Variants in PTPRN2 observed in about 807,000 individuals in gnomAD.
PTPRN2 encodes receptor-type tyrosine-protein phosphatase N2.
In PTPRN2, 74 loss-of-function variants were observed where a neutral mutation model predicts 118.8. The ratio of observed to expected loss-of-function variants is 0.62; its 90% CI spans 0.52 to 0.76. The LOEUF is 0.76. Ranked by LOEUF, PTPRN2 falls within the 30% of genes least tolerant of loss-of-function variation. PTPRN2 has a pLI of 0.00. For synonymous variants in PTPRN2, 641 were observed against 608.0 expected (o/e 1.05, Z -0.80); for missense variants, 1,481 against 1,394.4 (o/e 1.06, Z -0.99).
intron 12 of PTPRN2, among the ~76,000 whole-genome samples, chr7:157,754,731 T>C: frequency 6.6e-6 from 1 of 152,300 alleles, no homozygotes; most frequent in Admixed American, 6.5e-5. Flanking sequence ...TTCTTTGTAG[T>C]TAGTTTTCTT....
intron 21 of PTPRN2, among the ~76,000 whole-genome samples, chr7:157,562,712 C>T (rs1299753987): frequency 6.7e-6 from 1 of 149,648 alleles, no homozygotes; most frequent in African/African-American, 2.5e-5. Flanking sequence ...CCACATGCTC[C>T]CGCGTCACCA....
In PTPRN2 at chr7:157,576,628, A is replaced by G; in HGVS notation, c.2768T>C (p.Leu923Pro). Residue 923 changes from leucine (L) to proline (P), a missense_variant, in exon 19 of 23, where the codon CTC (leucine) becomes CCC (proline). Physicochemically the swap from Leu to Pro is moderately conservative, Grantham distance 98. Coordinates refer to ENST00000389418, the MANE Select transcript of PTPRN2 (RefSeq NM_002847.5). ...DRGVPSSSRS[L>P]LDFRRKVNKC... ...CGCGTCATACCTGCGGAAGTCCAGG[A>G]GGGACCTTGAGGAGGAAGGGACTCC... 1 of 1,612,046 alleles carries G rather than the reference A, an allele frequency of 6.2e-7. No homozygotes were observed. The highest frequency in any genetic ancestry group is 1.3e-5 in the African/African-American group (1 of 74,996).
chr7:158,244,529 T>C (rs1001994143), intron 3 of PTPRN2, among the ~76,000 whole-genome samples: 1 of 142,672 alleles, frequency 7.0e-6, no homozygotes, highest in African/African-American at 2.7e-5. Flanking sequence ...TGTGAGGGTG[T>C]GTGTGAATGA....
rs1241336180 is a variant in PTPRN2 at position 157,964,298 on chromosome 7, T to TG, written c.1724-65562dup. ...CCGCCCCACACGCACAGAGGATCAC[T>TG]GGGGGCGATGTAGAGATGTGGAAGC... is the stretch of plus-strand genomic sequence containing the variant. On this transcript the variant is annotated intron_variant, in intron 11 of 22. Transcript: ENST00000389418. This position sits in a 1 kb window ranked among gnomAD's most constrained non-coding sequence, Gnocchi z 9.0. Among the ~76,000 whole-genome samples the TG allele has an allele frequency of 6.6e-6, 1 of 152,108 alleles. No homozygotes were observed. Among genetic ancestry groups the TG allele is most frequent in the East Asian group, 1.9e-4 (1 of 5,184 alleles).
intron 12 of PTPRN2, among the ~76,000 whole-genome samples, chr7:157,835,153 C>T (rs146839337): frequency 3.7e-4 from 57 of 152,282 alleles, no homozygotes; most frequent in African/African-American, 1.3e-3. Context: ...TCCTGAGCCC[C>T]CTAGGACAAG....
intron 3 of PTPRN2, among the ~76,000 whole-genome samples, chr7:158,248,322 G>A (rs570447271): frequency 7.2e-5 from 11 of 152,248 alleles, no homozygotes; most frequent in African/African-American, 1.7e-4. Flanking sequence ...AAGCACCTGC[G>A]TACCCCAAGA....
At chr7:158,144,112 G>C (rs1236667716) in intron 6 of PTPRN2, among the ~76,000 whole-genome samples, 1 of 152,186 alleles carries the variant, frequency 6.6e-6, no homozygotes, top group Non-Finnish European at 1.5e-5. Flanking sequence ...AAAGCTGGTT[G>C]TGATATTTTG....
rs935905909 is a variant in PTPRN2, at chr7:157,603,011, G to T, written c.2418+991C>A. On this transcript the variant is annotated intron_variant, in intron 16 of 22. Coordinates refer to ENST00000389418, the MANE Select transcript of PTPRN2 (RefSeq NM_002847.5). The surrounding 1 kb of genome is among the most constrained non-coding windows in gnomAD (Gnocchi z 5.4). ...CTTCCCTGAAGACCAGAATTGAGAA[G>T]AGCTGTTTAAAGGGGGAAACATGAC... Among the ~76,000 whole-genome samples the T allele has an allele frequency of 6.6e-6, 1 of 152,234 alleles. No individual in the cohort carries two copies. The highest frequency in any genetic ancestry group is 1.5e-5 in the Non-Finnish European group (1 of 68,036).
chr7:158,469,771 C>G (rs1275438772), intron 2 of PTPRN2, among the ~76,000 whole-genome samples: 4 of 149,086 alleles, frequency 2.7e-5, no homozygotes, highest in Non-Finnish European at 5.9e-5. Context: ...GAATTGGGAG[C>G]TGGGATTTGT....
intron 1 of PTPRN2, among the ~76,000 whole-genome samples, chr7:158,498,086 C>G (rs1822087026): frequency 1.3e-5 from 2 of 152,242 alleles, no homozygotes; most frequent in Non-Finnish European, 2.9e-5. Flanking sequence ...GCTGAAATGG[C>G]CAAGGTCCTC....
intron 19 of PTPRN2, among the ~76,000 whole-genome samples, chr7:157,576,256 C>T (rs1166789040): frequency 6.6e-6 from 1 of 152,232 alleles, no homozygotes; most frequent in Non-Finnish European, 1.5e-5. Context: ...TCATCCCATG[C>T]AGCCAGATGA....
At chr7:157,743,309 G>C (rs1270979915) in intron 12 of PTPRN2, among the ~76,000 whole-genome samples, 1 of 152,152 alleles carries the variant, frequency 6.6e-6, no homozygotes, top group Non-Finnish European at 1.5e-5. Flanking sequence ...TAATGGGCTT[G>C]GACCTGCCTG....
At chr7:158,585,011 GTAAA>G (rs1012745323) in intron 1 of PTPRN2, among the ~76,000 whole-genome samples, 2 of 152,186 alleles carry the variant, frequency 1.3e-5, no homozygotes, top group African/African-American at 2.4e-5. Flanking sequence ...ATGTTAATAG[GTAAA>G]TAAATAAATA....
intron 2 of PTPRN2, among the ~76,000 whole-genome samples, chr7:158,440,759 T>C (rs566592945): frequency 7.1e-5 from 10 of 141,764 alleles, no homozygotes; most frequent in Non-Finnish European, 3.0e-5. Flanking sequence ...ACAGTGGTGG[T>C]GGTGATGTTA....
chr7:158,422,001 G>T (rs1327264701), intron 2 of PTPRN2, among the ~76,000 whole-genome samples: 1 of 152,200 alleles, frequency 6.6e-6, no homozygotes, highest in Admixed American at 6.5e-5. Flanking sequence ...TTACTGATGA[G>T]GGAGGTAGTT....
intron 17 of PTPRN2, among the ~76,000 whole-genome samples, chr7:157,588,143 C>T (rs1220067965): frequency 6.6e-6 from 1 of 152,248 alleles, no homozygotes; most frequent in Admixed American, 6.5e-5. Flanking sequence ...GCCTACATTT[C>T]TGGTTTAGAA....
chr7:158,399,147 C>G (rs1812756870), intron 2 of PTPRN2, among the ~76,000 whole-genome samples: 1 of 152,142 alleles, frequency 6.6e-6, no homozygotes, highest in African/African-American at 2.4e-5. Context: ...ATGTGGCTGT[C>G]AGGGCTCTTT....
intron 3 of PTPRN2, among the ~76,000 whole-genome samples, chr7:158,246,948 A>G (rs189155469): frequency 6.6e-6 from 1 of 152,320 alleles, no homozygotes; most frequent in East Asian, 1.9e-4. Flanking sequence ...TGATGAGGCC[A>G]TCAGAAGCCA....
In PTPRN2 at chr7:158,180,086, G is replaced by T. The variant is rs1363286239; in HGVS notation, c.549+12241C>A. ...GGTTGCTTTCTTTTATCTCCAGCTT[G>T]CCCTTGAATTCTTTCCTGGGCAAAG... On this transcript the variant is annotated intron_variant, in intron 5 of 22. Coordinates refer to ENST00000389418, the MANE Select transcript of PTPRN2 (RefSeq NM_002847.5). Among the ~76,000 whole-genome samples the T allele has an allele frequency of 2.6e-5, 4 of 152,238 alleles. 1 individual carries two copies. Among genetic ancestry groups the T allele is most frequent in the African/African-American group, 4.8e-5 (2 of 41,470 alleles).
Sources: gnomAD v4.1 joint callset for allele counts (sites outside exome capture counted in the v4.1 genomes callset) on GRCh38, gnomAD v4.1.1 for gene constraint, Gnocchi (gnomAD v3.1) non-coding constraint, MANE v1.5 for transcripts, NCBI Gene and HGNC (gene_info 2026-07-23, HGNC 2026-07-21) for gene names.